SLC23A2: variants seen among roughly 807,000 people sequenced by gnomAD.
The protein encoded by SLC23A2 is solute carrier family 23 member 2, also known as Na(+)/L-ascorbic acid transporter 2.
In SLC23A2, 36 loss-of-function variants were observed where a neutral mutation model predicts 73.3. That is an observed-to-expected ratio of 0.49 (90% CI 0.38 to 0.65). The LOEUF (loss-of-function observed/expected upper bound fraction) is 0.65, where lower values mean the gene tolerates loss of function less well. SLC23A2 is among the 30% of genes least tolerant of loss of function. The probability of loss-of-function intolerance (pLI) is 0.00; values close to 1 mark genes in which losing one functional copy is unlikely to be tolerated. For synonymous variants in SLC23A2, 343 were observed against 327.3 expected (o/e 1.05, Z -0.52); for missense variants, 507 against 841.6 (o/e 0.60, Z 4.92).
chr20:4,982,790 A>G (rs1231329689), intron 1 of SLC23A2, among the ~76,000 whole-genome samples: 1 of 152,074 alleles, frequency 6.6e-6, no homozygotes, highest in Non-Finnish European at 1.5e-5. Context: ...CCTTTAAACA[A>G]ATGGTGATGA....
chr20:4,884,669 G>A, intron 8 of SLC23A2, 84 bp downstream of exon 8: 1 of 865,500 alleles, frequency 1.2e-6, no homozygotes, highest in Admixed American at 1.9e-5. Context: ...CTCAGTAAAA[G>A]TAACTGCTAT....
chr20:4,854,308 C>T lies in SLC23A2; in HGVS notation c.*2664G>A, dbSNP rs1356269110. ...CAGGTGTGTGCTTAAACCCAAGAAG[C>T]AGATGAATACATTCTTTTTCTTTCA... On this transcript the variant is annotated 3_prime_UTR_variant, in exon 17 of 17. Coordinates refer to ENST00000338244, the MANE Select transcript of SLC23A2 (RefSeq NM_005116.6). 6.6e-6 allele frequency: 1 copy of T among 152,192 alleles called. No individual in the cohort carries two copies. The highest frequency in any genetic ancestry group is 1.5e-5 in the Non-Finnish European group (1 of 68,032). 9.4% of individuals were successfully genotyped at this position (152,192 alleles called of 1,614,324 possible).
Position 4,868,513 on chromosome 20 carries a change from T to TGG in SLC23A2, c.1251-640_1251-639dup, listed in dbSNP as rs984775333. 1.3e-5 allele frequency among the ~76,000 whole-genome samples: 2 copies of TGG among 152,230 alleles called. No individual in the cohort carries two copies. The highest frequency in any genetic ancestry group is 4.8e-5 in the African/African-American group (2 of 41,456). On this transcript the variant is annotated intron_variant, in intron 12 of 16. Transcript: ENST00000338244. The surrounding 1 kb of genome is among the most constrained non-coding windows in gnomAD (Gnocchi z 4.4). Reference sequence around the variant, plus strand: ...TTAGCCAGAAAATAAAGCCATTTGTTGGGGTATAAGACAAACATGGGCCGT... The same window carrying TGG: ...TTAGCCAGAAAATAAAGCCATTTGTTGGGGGGTATAAGACAAACATGGGCCGT...
chr20:4,996,704 A>C (rs1600217846), intron 1 of SLC23A2, among the ~76,000 whole-genome samples: 2 of 146,608 alleles, frequency 1.4e-5, no homozygotes, highest in African/African-American at 4.9e-5. Context: ...AAAAAAAAAA[A>C]AAAAACAACA....
chr20:4,997,270 A>T (rs560255579), intron 1 of SLC23A2, among the ~76,000 whole-genome samples: 20 of 152,188 alleles, frequency 1.3e-4, no homozygotes, highest in African/African-American at 4.8e-4. Flanking sequence ...TACCACCCTC[A>T]AGGTAAAATC....
At chr20:4,943,665 ACT>A (rs1372435541) in intron 2 of SLC23A2, among the ~76,000 whole-genome samples, 1 of 147,478 alleles carries the variant, frequency 6.8e-6, no homozygotes, top group African/African-American at 2.5e-5. Flanking sequence ...ACAGAGTCAG[ACT>A]CTGTCTCAAA....
Position 4,989,049 on chromosome 20 carries a change from A to G in SLC23A2, c.-282+12357T>C, listed in dbSNP as rs746901749. Among the ~76,000 whole-genome samples, 251 of 151,344 alleles carry G rather than the reference A, an allele frequency of 1.7e-3. No homozygotes were observed. In the Middle Eastern group the frequency reaches 0.017, roughly 10 times the overall value. On this transcript the variant is annotated intron_variant, in intron 1 of 16. Coordinates refer to ENST00000338244, the MANE Select transcript of SLC23A2 (RefSeq NM_005116.6). ...CAGGAGGGAGTTCGAGACCAGCCTG[A>G]CCAATGTGGTGAAACCCCATCTCTA...
intron 2 of SLC23A2, among the ~76,000 whole-genome samples, chr20:4,955,396 C>T (rs1568641013): frequency 1.4e-5 from 2 of 143,544 alleles, no homozygotes; most frequent in Admixed American, 7.0e-5. Context: ...CACACACACA[C>T]ACCCTAGAAT....
At chr20:4,910,914 G>C (rs1358912055) in intron 4 of SLC23A2, among the ~76,000 whole-genome samples, 1 of 152,130 alleles carries the variant, frequency 6.6e-6, no homozygotes, top group African/African-American at 2.4e-5. Flanking sequence ...TGAACATCTA[G>C]CATAAATGTG....
intron 4 of SLC23A2, among the ~76,000 whole-genome samples, chr20:4,912,469 A>G (rs960185339): frequency 6.6e-6 from 1 of 152,060 alleles, no homozygotes; most frequent in African/African-American, 2.4e-5. Context: ...AGATGTTGAC[A>G]TTTTTATTCC....
At chr20:4,967,008 G>A (rs1014768255) in intron 2 of SLC23A2, among the ~76,000 whole-genome samples, 1 of 152,058 alleles carries the variant, frequency 6.6e-6, no homozygotes, top group African/African-American at 2.4e-5. Flanking sequence ...ATATAAAAGA[G>A]ACCAAAGCAG....
chr20:4,878,052 CT>C (rs1178469187), intron 9 of SLC23A2, among the ~76,000 whole-genome samples: 2 of 152,146 alleles, frequency 1.3e-5, no homozygotes, highest in Admixed American at 1.3e-4. Flanking sequence ...GGTGTAGTCC[CT>C]TTTTTGCCAA....
intron 1 of SLC23A2, among the ~76,000 whole-genome samples, chr20:4,975,649 G>A (rs1002713656): frequency 1.2e-4 from 18 of 150,678 alleles, no homozygotes; most frequent in Non-Finnish European, 7.4e-5. Context: ...CCAAAGTGCT[G>A]GGATTACGGG....
In SLC23A2 at chr20:4,907,689, G is replaced by C. The variant is rs189300715; in HGVS notation, c.208-5131C>G. Among the ~76,000 whole-genome samples, 4 of 152,098 alleles carry C rather than the reference G, an allele frequency of 2.6e-5. No individual in the cohort carries two copies. The East Asian group carries it at 7.7e-4, about 29-fold the overall frequency. ...ATAAGAAAAAGACAAATATAGGTAA[G>C]AGTTAAGTGTTAAATGTCAGAACAA... On this transcript the variant is annotated intron_variant, in intron 4 of 16. Coordinates refer to ENST00000338244, the MANE Select transcript of SLC23A2 (RefSeq NM_005116.6).
chr20:4,905,501 T>C (rs866984544), intron 4 of SLC23A2, among the ~76,000 whole-genome samples: 5 of 152,310 alleles, frequency 3.3e-5, no homozygotes, highest in Middle Eastern at 3.4e-3. Flanking sequence ...ACATAAATAA[T>C]TACGTCACTT....
At chr20:4,875,472 A>T (rs1045982384) in intron 9 of SLC23A2, among the ~76,000 whole-genome samples, 1 of 152,168 alleles carries the variant, frequency 6.6e-6, no homozygotes, top group Non-Finnish European at 1.5e-5. Flanking sequence ...GGGGACCAGG[A>T]ATCTAGCTCT....
At chr20:4,982,363 G>GTAC (rs1469865913) in intron 1 of SLC23A2, among the ~76,000 whole-genome samples, 8 of 152,186 alleles carry the variant, frequency 5.3e-5, no homozygotes, top group Non-Finnish European at 1.0e-4. Flanking sequence ...TTATCATAAT[G>GTAC]TACTGCTCCT....
At chr20:4,984,710 G>T (rs1262403972) in intron 1 of SLC23A2, among the ~76,000 whole-genome samples, 1 of 152,084 alleles carries the variant, frequency 6.6e-6, no homozygotes, top group Non-Finnish European at 1.5e-5. Flanking sequence ...CAAAACCACT[G>T]CACACCCATT....
intron 3 of SLC23A2, among the ~76,000 whole-genome samples, chr20:4,919,343 G>A (rs75858230): frequency 0.014 from 2,123 of 152,200 alleles, 54 homozygotes; most frequent in African/African-American, 0.047. Context: ...TCCACCACTC[G>A]CCTGGCCCAG....
Sources: allele counts gnomAD v4.1 joint callset (sites outside exome capture counted in the v4.1 genomes callset), GRCh38; gene constraint gnomAD v4.1.1; non-coding constraint Gnocchi (gnomAD v3.1); transcripts MANE v1.5; gene names NCBI Gene and HGNC (gene_info 2026-07-23, HGNC 2026-07-21).